Variants in CCDC66 observed in about 807,000 individuals in gnomAD.
CCDC66 encodes coiled-coil domain containing 66.
CCDC66 carries 133 observed loss-of-function variants against 128.3 expected under a neutral mutation model. The observed-to-expected ratio is 1.04, with a 90% CI of 0.90 to 1.20. CCDC66 has a LOEUF of 1.20. Ranked by LOEUF, CCDC66 falls within the 50% of genes most tolerant of loss-of-function variation. The pLI, the probability that CCDC66 is intolerant of heterozygous loss-of-function variation, is 0.00. For missense variants in CCDC66, 1,126 were observed against 1,075.5 expected (o/e 1.05, Z -0.66); for synonymous variants, 387 against 357.0 (o/e 1.08, Z -0.95).
intron 3 of CCDC66, 46 bp downstream of exon 3, chr3:56,559,640 C>G (rs926598403): frequency 6.9e-7 from 1 of 1,445,376 alleles, no homozygotes; most frequent in Admixed American, 2.4e-5. Flanking sequence ...ATGTAAAATG[C>G]AGTTTTATTT....
intron 10 of CCDC66, among the ~76,000 whole-genome samples, chr3:56,612,049 T>C (rs1559756637): frequency 1.3e-5 from 2 of 152,254 alleles, no homozygotes; most frequent in African/African-American, 4.8e-5. Context: ...CTCCACATGC[T>C]GCTGTGTCTG....
At chr3:56,602,454 C>G (rs1363286837) in intron 10 of CCDC66, among the ~76,000 whole-genome samples, 1 of 151,926 alleles carries the variant, frequency 6.6e-6, no homozygotes, top group Non-Finnish European at 1.5e-5. Flanking sequence ...TGTTGTGTCT[C>G]TGCCAGGTTT....
chr3:56,618,119 G>C (rs1311590131), intron 14 of CCDC66, 53 bp from the exon 15 acceptor site: 1 of 1,339,680 alleles, frequency 7.5e-7, no homozygotes, highest in Non-Finnish European at 1.1e-6. Context: ...TATTTGTGGG[G>C]ACATGTGAAG....
chr3:56,596,266 C>T (rs1183624738), intron 10 of CCDC66, among the ~76,000 whole-genome samples: 1 of 152,110 alleles, frequency 6.6e-6, no homozygotes, highest in Non-Finnish European at 1.5e-5. Context: ...GATATGATAT[C>T]TCATTATGGG....
Position 56,558,906 on chromosome 3 carries a change from A to G in CCDC66, c.72A>G (p.Pro24=). The G allele has an allele frequency of 6.5e-7, 1 of 1,543,354 alleles. No individual in the cohort carries two copies. Among genetic ancestry groups the G allele is most frequent in the South Asian group, 1.2e-5 (1 of 83,394 alleles). ...LDGKTKLILS[P]YEHKSKISVK... ...GAAAAACCAAGCTAATATTGTCTCCATATGGTATGTTGTGTTACAGAAATC... is the reference window on the plus strand; with the variant it reads ...GAAAAACCAAGCTAATATTGTCTCCGTATGGTATGTTGTGTTACAGAAATC... The change falls in exon 2 of 18, where the codon CCA becomes CCG. Residue 24 remains proline, a synonymous_variant. Coordinates refer to ENST00000394672, the MANE Select transcript of CCDC66 (RefSeq NM_001141947.3).
intron 10 of CCDC66, 116 bp from the exon 11 acceptor site, chr3:56,613,473 T>G: frequency 9.2e-7 from 1 of 1,091,906 alleles, no homozygotes; most frequent in Non-Finnish European, 1.3e-6. Flanking sequence ...TACTCATTAT[T>G]TTGGTTCCCC....
At chr3:56,607,436 G>T (rs1049170586) in intron 10 of CCDC66, among the ~76,000 whole-genome samples, 4 of 151,960 alleles carry the variant, frequency 2.6e-5, no homozygotes, top group Non-Finnish European at 5.9e-5. Flanking sequence ...TGATTTCTCT[G>T]CTTGGTCGCT....
Position 56,578,306 on chromosome 3 carries a change from G to A in CCDC66, c.936+7004G>A, listed in dbSNP as rs191074979. Reference sequence around the variant, plus strand: ...TTGCTTATCAGCTTAAGGAGATTTGGGGCTGAGATGATGGGGTTTTCTAAA... The same window carrying A: ...TTGCTTATCAGCTTAAGGAGATTTGAGGCTGAGATGATGGGGTTTTCTAAA... On this transcript the variant is annotated intron_variant, in intron 7 of 17. Coordinates refer to ENST00000394672, the MANE Select transcript of CCDC66 (RefSeq NM_001141947.3). Among the ~76,000 whole-genome samples the A allele has an allele frequency of 1.8e-4, 27 of 151,824 alleles. 2 individuals carry two copies. In the East Asian group the frequency reaches 5.3e-3, roughly 30 times the overall value.
At chr3:56,584,335 C>G (rs185132872) in intron 7 of CCDC66, among the ~76,000 whole-genome samples, 2 of 140,660 alleles carry the variant, frequency 1.4e-5, no homozygotes, top group Non-Finnish European at 3.0e-5. Context: ...ACTTCTCAGA[C>G]GGGGCGGCTG....
At chr3:56,569,528 T>G (rs1371760381) in intron 6 of CCDC66, 2 of 155,346 alleles carry the variant, frequency 1.3e-5, no homozygotes, top group East Asian at 3.6e-4. Context: ...TCATGAGGGA[T>G]TCATCTCCTG....
chr3:56,608,806 A>G (rs1415006077), intron 10 of CCDC66, among the ~76,000 whole-genome samples: 1 of 152,140 alleles, frequency 6.6e-6, no homozygotes, highest in Admixed American at 6.5e-5. Flanking sequence ...AGGTTGTGTC[A>G]TTACTGTCGT....
chr3:56,596,213 C>G (rs965862594), intron 10 of CCDC66, among the ~76,000 whole-genome samples: 7 of 152,130 alleles, frequency 4.6e-5, no homozygotes, highest in Non-Finnish European at 7.3e-5. Context: ...GCCACCGGGC[C>G]CAGCATTTTT....
At chr3:56,606,970 C>T (rs1006278212) in intron 10 of CCDC66, among the ~76,000 whole-genome samples, 1 of 152,084 alleles carries the variant, frequency 6.6e-6, no homozygotes. Context: ...GGGTTTATTT[C>T]TGGGTTCTCT....
At chr3:56,583,733 A>C (rs1013823267) in intron 7 of CCDC66, among the ~76,000 whole-genome samples, 6 of 151,806 alleles carry the variant, frequency 4.0e-5, no homozygotes, top group African/African-American at 1.2e-4. Flanking sequence ...TGATATCTCT[A>C]TCTTTTCCCC....
intron 7 of CCDC66, among the ~76,000 whole-genome samples, chr3:56,578,841 T>G (rs1055130378): frequency 6.6e-6 from 1 of 151,920 alleles, no homozygotes; most frequent in African/African-American, 2.4e-5. Context: ...TCTGCATCGA[T>G]GTTCATCAGG....
chr3:56,604,613 C>G (rs116328709), intron 10 of CCDC66, among the ~76,000 whole-genome samples: 7,595 of 151,740 alleles, frequency 0.05, 483 homozygotes, highest in East Asian at 0.31. Context: ...TTGGCCCCAA[C>G]TCTCTCCTGG....
intron 10 of CCDC66, among the ~76,000 whole-genome samples, chr3:56,611,139 A>G (rs188308246): frequency 1.5e-4 from 23 of 152,002 alleles, no homozygotes; most frequent in Admixed American, 9.8e-4. Flanking sequence ...TCTCAAGATT[A>G]TATGTCTTTT....
intron 14 of CCDC66, chr3:56,617,879 T>A (rs1158481248): frequency 5.3e-6 from 3 of 569,326 alleles, no homozygotes; most frequent in Non-Finnish European, 9.2e-6. Context: ...AAAGGTTTCC[T>A]TATGCTTATC....
intron 10 of CCDC66, among the ~76,000 whole-genome samples, chr3:56,595,463 T>A (rs185919958): frequency 6.6e-6 from 1 of 152,310 alleles, no homozygotes; most frequent in East Asian, 1.9e-4. Context: ...GAGACCTACT[T>A]TTTTAGCTCC....
Sources: gnomAD v4.1 joint callset for allele counts (sites outside exome capture counted in the v4.1 genomes callset) on GRCh38, gnomAD v4.1.1 for gene constraint, MANE v1.5 for transcripts, NCBI Gene and HGNC (gene_info 2026-07-23, HGNC 2026-07-21) for gene names.